XYLB: variants seen among roughly 807,000 people sequenced by gnomAD.
XYLB encodes the protein xylulose kinase.
A neutral mutation model predicts 78.7 loss-of-function variants in XYLB; 62 were observed. The observed-to-expected ratio is 0.79, with a 90% confidence interval of 0.64 to 0.97. The LOEUF (loss-of-function observed/expected upper bound fraction) is 0.97. Among genes scored for constraint, XYLB ranks in the 50% least tolerant of loss-of-function variants. The pLI, the probability that XYLB is intolerant of heterozygous loss-of-function variation, is 0.00. For missense variants in XYLB, 687 were observed against 676.8 expected, an observed-to-expected ratio of 1.02 and a Z score of -0.17; for synonymous variants, 245 against 247.4, an observed-to-expected ratio of 0.99 and a Z score of 0.09.
At chr3:38,351,888 T>C (rs1041990319) in intron 2 of XYLB, among the ~76,000 whole-genome samples, 4 of 152,364 alleles carry the variant, frequency 2.6e-5, no homozygotes, top group African/African-American at 9.6e-5. Flanking sequence ...CATTGTATGA[T>C]GTTGTATGGA....
chr3:38,377,265 G>T (rs888394996), intron 14 of XYLB, among the ~76,000 whole-genome samples: 2 of 151,884 alleles, frequency 1.3e-5, no homozygotes, highest in African/African-American at 4.8e-5. Flanking sequence ...GTGTATCACA[G>T]AACTTATTTC....
intron 15 of XYLB, among the ~76,000 whole-genome samples, chr3:38,384,233 G>T (rs967668485): frequency 2.6e-5 from 4 of 151,968 alleles, no homozygotes; most frequent in Admixed American, 1.3e-4. Flanking sequence ...CGCCCAGCTA[G>T]TTTTGTATTT....
intron 15 of XYLB, among the ~76,000 whole-genome samples, chr3:38,389,751 A>G (rs1004169075): frequency 2.0e-5 from 3 of 152,198 alleles, no homozygotes; most frequent in African/African-American, 7.2e-5. Context: ...AACCACTGAG[A>G]TTACAGAGCT....
intron 17 of XYLB, among the ~76,000 whole-genome samples, chr3:38,399,792 C>T (rs555957622): frequency 6.0e-4 from 91 of 152,266 alleles, no homozygotes; most frequent in Non-Finnish European, 1.1e-3. Context: ...AACCAAAGCC[C>T]GAGCCAAATC....
chr3:38,396,795 A>G (rs1707888079), intron 16 of XYLB, among the ~76,000 whole-genome samples: 1 of 152,314 alleles, frequency 6.6e-6, no homozygotes, highest in Middle Eastern at 3.4e-3. Flanking sequence ...TGCTAAACAT[A>G]CTTCCTAAAT....
intron 2 of XYLB, chr3:38,355,619 G>T (rs767348163): frequency 1.6e-6 from 1 of 635,414 alleles, no homozygotes; most frequent in Non-Finnish European, 2.9e-6. Context: ...GTTATGTTCA[G>T]CCATGTGACT....
chr3:38,383,001 T>C (rs1707222682), intron 15 of XYLB, among the ~76,000 whole-genome samples: 2 of 152,254 alleles, frequency 1.3e-5, no homozygotes, highest in Non-Finnish European at 2.9e-5. Flanking sequence ...GCTCTTTCGT[T>C]CTTGCCCAGA....
exon 18 of XYLB, among the ~76,000 whole-genome samples, chr3:38,420,001 G>A (rs571555340): frequency 2.6e-5 from 4 of 151,924 alleles, no homozygotes; most frequent in South Asian, 2.1e-4. Flanking sequence ...TGTATTTTTA[G>A]TAGAGACGGG....
chr3:38,437,160 A>G, the XYLB span, among the ~76,000 whole-genome samples: 1 of 152,076 alleles, frequency 6.6e-6, no homozygotes, highest in African/African-American at 2.4e-5. Flanking sequence ...AGAATGAAGG[A>G]CAAAAACTGT....
chr3:38,384,113 CTG>C (rs1707273938), intron 15 of XYLB, among the ~76,000 whole-genome samples: 1 of 152,082 alleles, frequency 6.6e-6, no homozygotes, highest in South Asian at 2.1e-4. Context: ...GTTGCCCAGA[CTG>C]GAGTGCAGTG....
Position 38,362,926 on chromosome 3 carries a change from TTTC to T in XYLB, c.211-5_211-3del, listed in dbSNP as rs1197889095. On this transcript the variant is annotated splice_polypyrimidine_tract_variant and splice_region_variant and intron_variant, in intron 3 of 18. Coordinates refer to ENST00000207870, the MANE Select transcript of XYLB (RefSeq NM_005108.4). ...CTGTACAGTCATGGTGGGTTCTGTT[TTTC>T]TTCTTAGGCACTGGATATCATCTTG... 1 of 1,562,276 alleles carries T rather than the reference TTTC, an allele frequency of 6.4e-7. No homozygotes were observed. The highest frequency in any genetic ancestry group is 8.7e-7 in the Non-Finnish European group (1 of 1,152,820).
At position 38,346,819 on chromosome 3, in the gene XYLB, C is replaced by A; in HGVS notation, c.-50C>A. On this transcript the variant is annotated 5_prime_UTR_variant, in exon 1 of 19. Transcript: ENST00000207870. Reference sequence around the variant, plus strand: ...CGCTGGAGCGCGGCGACTATCACGCCGCGTGGCGGACGGACGGACTGACGG... The same window carrying A: ...CGCTGGAGCGCGGCGACTATCACGCAGCGTGGCGGACGGACGGACTGACGG... The A allele has an allele frequency of 6.8e-7, 1 of 1,464,944 alleles. No homozygotes were observed. Among genetic ancestry groups the A allele is most frequent in the Admixed American group, 2.3e-5 (1 of 42,590 alleles). 90.7% of individuals were successfully genotyped at this position (1,464,944 alleles called of 1,614,324 possible). A position where few individuals can be genotyped will look rare whatever the true frequency, so the allele number is the denominator to read the frequency against.
chr3:38,373,023 A>G (rs1446298778), intron 10 of XYLB, among the ~76,000 whole-genome samples: 2 of 152,134 alleles, frequency 1.3e-5, no homozygotes, highest in African/African-American at 2.4e-5. Context: ...AAACTGCCCA[A>G]TGATTATGGA....
chr3:38,438,798 GCTGATTGGTCCATTTTACAGAGCA>G, the XYLB span, among the ~76,000 whole-genome samples: 1 of 152,166 alleles, frequency 6.6e-6, no homozygotes, highest in Non-Finnish European at 1.5e-5. Flanking sequence ...CCCCTGTCCT[GCTGATTGGTCCATTTTACAGAGCA>G]CTGATTGGTC....
chr3:38,398,366 GC>G (rs1381056217), intron 17 of XYLB, among the ~76,000 whole-genome samples: 6 of 151,834 alleles, frequency 4.0e-5, no homozygotes, highest in Admixed American at 6.5e-5. Flanking sequence ...TACTCGGGAG[GC>G]TGAGGCAGGA....
chr3:38,384,983 C>CTTGTT (rs1456332833), intron 15 of XYLB, among the ~76,000 whole-genome samples: 1 of 151,906 alleles, frequency 6.6e-6, no homozygotes, highest in African/African-American at 2.4e-5. Context: ...AAGATTATTT[C>CTTGTT]TTGTTTTGTT....
At chr3:38,381,279 C>T (rs1033224256) in intron 15 of XYLB, among the ~76,000 whole-genome samples, 15 of 152,170 alleles carry the variant, frequency 9.9e-5, no homozygotes, top group Admixed American at 7.2e-4. Context: ...TTATCACTTC[C>T]CCAATCAATA....
rs201235710 is a variant in XYLB, at chr3:38,413,018, G to C, written c.*5G>C. ...ACCCGGGGGCCTCCGGAGTGAACAG[G>C]CATCCCTGTTGCCCCTGCCTGCCCA... On this transcript the variant is annotated 3_prime_UTR_variant, in exon 19 of 19. Coordinates refer to ENST00000207870, the MANE Select transcript of XYLB (RefSeq NM_005108.4). 57 of 1,590,060 alleles carry C rather than the reference G, an allele frequency of 3.6e-5. No individual in the cohort carries two copies. The highest frequency in any genetic ancestry group is 6.8e-6 in the Non-Finnish European group (8 of 1,172,850).
At chr3:38,412,406 C>T (rs1297608380) in intron 18 of XYLB, among the ~76,000 whole-genome samples, 1 of 152,132 alleles carries the variant, frequency 6.6e-6, no homozygotes, top group Non-Finnish European at 1.5e-5. Flanking sequence ...TTGAGAGGAG[C>T]ACCTCCTGCC....
Sources: allele counts gnomAD v4.1 joint callset (sites outside exome capture counted in the v4.1 genomes callset), GRCh38; gene constraint gnomAD v4.1.1; transcripts MANE v1.5; gene names NCBI Gene and HGNC (gene_info 2026-07-23, HGNC 2026-07-21).